KALRN: variants seen among roughly 807,000 people sequenced by gnomAD.
The protein encoded by KALRN is kalirin RhoGEF kinase.
A neutral mutation model predicts 353.7 loss-of-function variants in KALRN; 70 were observed. That is an observed-to-expected ratio of 0.20 (90% CI 0.16 to 0.24). The LOEUF is 0.24. KALRN is among the 10% of genes least tolerant of loss of function. KALRN has a pLI of 1.00. For synonymous variants in KALRN, 1,391 were observed against 1,434.8 expected (o/e 0.97, Z 0.69); for missense variants, 2,791 against 3,756.7 (o/e 0.74, Z 6.72).
intron 32 of KALRN, among the ~76,000 whole-genome samples, chr3:124,496,047 CAGCATGGGCTGGAGG>C (rs1345571464): frequency 1.6e-5 from 2 of 127,510 alleles, no homozygotes; most frequent in African/African-American, 5.8e-5. Context: ...ACCCCCTCTG[CAGCATGGGCTGGAGG>C]AGTTTTGGGG....
At chr3:124,166,108 C>T (rs2070807305) in intron 1 of KALRN, among the ~76,000 whole-genome samples, 1 of 152,144 alleles carries the variant, frequency 6.6e-6, no homozygotes, top group African/African-American at 2.4e-5. Flanking sequence ...CTTTCTTAAC[C>T]ACCCTAGCTA....
intron 1 of KALRN, among the ~76,000 whole-genome samples, chr3:124,151,143 T>C (rs1182384786): frequency 2.0e-5 from 3 of 152,234 alleles, no homozygotes; most frequent in Non-Finnish European, 2.9e-5. Context: ...CCGCTATGGA[T>C]ACTCTCGTAC....
chr3:124,570,552 G>A (rs2073398525), intron 34 of KALRN, among the ~76,000 whole-genome samples: 2 of 152,142 alleles, frequency 1.3e-5, no homozygotes, highest in African/African-American at 2.4e-5. Context: ...AAAAGGTGTG[G>A]TATGGTGTTT....
At chr3:124,069,604 A>G (rs1181535770) in intron 1 of KALRN, among the ~76,000 whole-genome samples, 1 of 151,990 alleles carries the variant, frequency 6.6e-6, no homozygotes, top group African/African-American at 2.4e-5. Flanking sequence ...TGTAAACTGT[A>G]GTAAAGTAAG....
At chr3:124,565,619 G>T (rs1326807745) in intron 34 of KALRN, among the ~76,000 whole-genome samples, 1 of 152,218 alleles carries the variant, frequency 6.6e-6, no homozygotes, top group East Asian at 1.9e-4. Context: ...GCCGCAAAAG[G>T]CTAACGTTCC....
intron 5 of KALRN, among the ~76,000 whole-genome samples, chr3:124,281,843 C>T (rs148343162): frequency 4.1e-4 from 62 of 152,224 alleles, no homozygotes; most frequent in Non-Finnish European, 7.9e-4. Context: ...AATAGTTGAC[C>T]GTGACACAGT....
At chr3:124,713,323 A>G (rs1046821955) in intron 58 of KALRN, among the ~76,000 whole-genome samples, 188 bp downstream of exon 58, 2 of 152,208 alleles carry the variant, frequency 1.3e-5, no homozygotes, top group African/African-American at 4.8e-5. Flanking sequence ...AAAAAATCAT[A>G]ATAGGAATAA....
chr3:124,066,017 G>T (rs2042329070), intron 1 of KALRN, among the ~76,000 whole-genome samples: 1 of 152,184 alleles, frequency 6.6e-6, no homozygotes, highest in Admixed American at 6.5e-5. Flanking sequence ...GCTTGACGGG[G>T]ATCCAGGATC....
chr3:124,305,660 G>A (rs1411756562), intron 6 of KALRN, among the ~76,000 whole-genome samples: 1 of 151,616 alleles, frequency 6.6e-6, no homozygotes, highest in Non-Finnish European at 1.5e-5. Flanking sequence ...CCCCCTGGGA[G>A]CAACATTGGA....
intron 3 of KALRN, among the ~76,000 whole-genome samples, chr3:124,250,111 T>A (rs974663903): frequency 2.0e-5 from 3 of 152,168 alleles, no homozygotes; most frequent in Non-Finnish European, 4.4e-5. Context: ...GTGGGGATGG[T>A]TGTGCATGTG....
intron 33 of KALRN, among the ~76,000 whole-genome samples, chr3:124,536,653 C>T (rs1244527694): frequency 6.6e-6 from 1 of 152,138 alleles, no homozygotes; most frequent in Non-Finnish European, 1.5e-5. Flanking sequence ...GCAAAGGTAT[C>T]CTTGAGACTC....
intron 34 of KALRN, among the ~76,000 whole-genome samples, chr3:124,602,000 T>C (rs2076851965): frequency 6.9e-6 from 1 of 145,168 alleles, no homozygotes; most frequent in Admixed American, 7.0e-5. Flanking sequence ...CACTCCAGCC[T>C]GGACAACATA....
intron 1 of KALRN, among the ~76,000 whole-genome samples, chr3:124,187,153 T>C (rs2074333691): frequency 6.6e-6 from 1 of 152,198 alleles, no homozygotes; most frequent in Non-Finnish European, 1.5e-5. Flanking sequence ...TGATCTCAGC[T>C]CGCTGCAAAC....
At chr3:124,645,872 C>T (rs1578617958) in intron 37 of KALRN, among the ~76,000 whole-genome samples, 1 of 150,170 alleles carries the variant, frequency 6.7e-6, no homozygotes, top group Non-Finnish European at 1.5e-5. Flanking sequence ...TATTTGGGAA[C>T]CTCCCTACTG....
chr3:124,479,867 G>C (rs975189238), intron 27 of KALRN, among the ~76,000 whole-genome samples: 2 of 151,912 alleles, frequency 1.3e-5, no homozygotes, highest in Admixed American at 1.3e-4. Context: ...GGGACTACAG[G>C]CACCCACCAC....
rs749031723 is a variant in KALRN, at chr3:124,413,651, A to C, written c.2528A>C (p.Glu843Ala). 16 of 1,613,576 alleles carry C rather than the reference A, an allele frequency of 9.9e-6. No homozygotes were observed. The highest frequency in any genetic ancestry group is 1.2e-5 in the Non-Finnish European group (14 of 1,179,822). The change falls in exon 14 of 60, where the codon GAG becomes GCG. Residue 843 changes from glutamate to alanine, a missense_variant. Glu to Ala is a moderately radical substitution (Grantham distance 107). Coordinates refer to ENST00000682506, the MANE Select transcript of KALRN (RefSeq NM_001388419.1). ...CAGGATCTGCACCAGTACATCACGG[A>C]GGTCCAGGCATCAGGTGGGTGACCT... ...QGQDLHQYIT[E>A]VQASGIELIC...
chr3:124,356,047 C>G (rs1576238192), intron 10 of KALRN, among the ~76,000 whole-genome samples: 1 of 152,036 alleles, frequency 6.6e-6, no homozygotes, highest in East Asian at 1.9e-4. Flanking sequence ...AATACAAATA[C>G]AAGCCACCAA....
chr3:124,452,614 G>A (rs1246010142), intron 21 of KALRN, among the ~76,000 whole-genome samples: 1 of 152,158 alleles, frequency 6.6e-6, no homozygotes, highest in Non-Finnish European at 1.5e-5. Flanking sequence ...CATTCAACAT[G>A]GCTGCAGTGT....
chr3:124,495,729 T>TAAAAAAAAAA (rs1170201040), intron 32 of KALRN, among the ~76,000 whole-genome samples: 1 of 68,234 alleles, frequency 1.5e-5, no homozygotes, highest in Non-Finnish European at 2.6e-5. Flanking sequence ...GACTCCATCT[T>TAAAAAAAAAA]AAAAAAAAAA....
Sources: allele counts gnomAD v4.1 joint callset (sites outside exome capture counted in the v4.1 genomes callset), GRCh38; gene constraint gnomAD v4.1.1; transcripts MANE v1.5; gene names NCBI Gene and HGNC (gene_info 2026-07-23, HGNC 2026-07-21).